TRAPPC9: variants seen among roughly 807,000 people sequenced by gnomAD.
The protein encoded by TRAPPC9 is trafficking protein particle complex subunit 9.
A neutral mutation model predicts 124.0 loss-of-function variants in TRAPPC9; 83 were observed. The observed-to-expected ratio is 0.67, with a 90% confidence interval of 0.56 to 0.80. The LOEUF (loss-of-function observed/expected upper bound fraction) is 0.80. Among genes scored for constraint, TRAPPC9 ranks in the 30% least tolerant of loss-of-function variants. The pLI, the probability that TRAPPC9 is intolerant of heterozygous loss-of-function variation, is 0.00. For synonymous variants in TRAPPC9, 638 were observed against 617.5 expected, an observed-to-expected ratio of 1.03 and a Z score of -0.49; for missense variants, 1,302 against 1,508.3, an observed-to-expected ratio of 0.86 and a Z score of 2.27.
At chr8:139,909,409 T>C (rs1451993890) in intron 20 of TRAPPC9, among the ~76,000 whole-genome samples, 1 of 152,182 alleles carries the variant, frequency 6.6e-6, no homozygotes, top group African/African-American at 2.4e-5. Flanking sequence ...GGCAGGGTGC[T>C]CTGCCTTCGC....
intron 17 of TRAPPC9, among the ~76,000 whole-genome samples, chr8:140,157,795 T>C (rs1266458244): frequency 1.1e-4 from 16 of 152,150 alleles, no homozygotes; most frequent in Admixed American, 9.8e-4. Context: ...TTGCCTATAA[T>C]CCCAAAACAC....
intron 21 of TRAPPC9, among the ~76,000 whole-genome samples, chr8:139,797,154 T>C (rs899958878): frequency 1.3e-5 from 2 of 152,198 alleles, no homozygotes; most frequent in African/African-American, 2.4e-5. Flanking sequence ...ACCAGTCCCT[T>C]ATCAGATATA....
intron 17 of TRAPPC9, among the ~76,000 whole-genome samples, chr8:140,116,446 G>A (rs1371348824): frequency 6.6e-6 from 1 of 152,118 alleles, no homozygotes; most frequent in Non-Finnish European, 1.5e-5. Flanking sequence ...CAGTTAAGCA[G>A]CCAACTAAGC....
intron 9 of TRAPPC9, among the ~76,000 whole-genome samples, chr8:140,359,154 A>G (rs1197166690): frequency 6.6e-6 from 1 of 152,168 alleles, no homozygotes; most frequent in Non-Finnish European, 1.5e-5. Context: ...GCCTGTGTCC[A>G]TATAGCACTG....
chr8:140,221,669 G>A (rs990724763), intron 16 of TRAPPC9, 86 bp from the exon 17 acceptor site: 33 of 1,505,236 alleles, frequency 2.2e-5, no homozygotes, highest in African/African-American at 2.8e-5. Context: ...GACGGGTCTC[G>A]CTCTGTCGCA....
At chr8:140,153,828 G>A (rs1430748031) in intron 17 of TRAPPC9, among the ~76,000 whole-genome samples, 1 of 152,114 alleles carries the variant, frequency 6.6e-6, no homozygotes, top group Non-Finnish European at 1.5e-5. Context: ...GATTCTCCAG[G>A]ATCTGCCCTG....
rs998213359 is a variant in TRAPPC9 at position 139,910,171 on chromosome 8, G to T, written c.2940C>A (p.Ser980Arg). The T allele has an allele frequency of 1.9e-6, 3 of 1,613,806 alleles. No homozygotes were observed. The highest frequency in any genetic ancestry group is 1.7e-5 in the Admixed American group (1 of 59,998). Residue 980 changes from serine (S) to arginine (R), a missense_variant, in exon 20 of 23, where the codon AGC becomes AGA. Transcript: ENST00000438773. ...RREARGLEIH[S>R]KLGICWRIPS... Reference sequence around the variant, plus strand: ...TGATTCTCCAGCAGATGCCCAGCTTGCTGTGGATCTCCAGGCCTCGGGCTT... The same window carrying T: ...TGATTCTCCAGCAGATGCCCAGCTTTCTGTGGATCTCCAGGCCTCGGGCTT...
intron 21 of TRAPPC9, among the ~76,000 whole-genome samples, chr8:139,741,145 C>T (rs1291285525): frequency 1.3e-5 from 2 of 152,166 alleles, no homozygotes; most frequent in African/African-American, 4.8e-5. Flanking sequence ...TTGGGCGTGA[C>T]ACTCCCCATT....
intron 5 of TRAPPC9, among the ~76,000 whole-genome samples, chr8:140,411,075 T>C (rs1480952455): frequency 6.6e-6 from 1 of 152,144 alleles, no homozygotes; most frequent in African/African-American, 2.4e-5. Context: ...CTTGGTATCA[T>C]GACCAAGGAT....
At chr8:139,947,915 G>A (rs1238385641) in intron 19 of TRAPPC9, among the ~76,000 whole-genome samples, 2 of 48,388 alleles carry the variant, frequency 4.1e-5, no homozygotes, top group Non-Finnish European at 9.6e-5. Context: ...TATAGAGAGA[G>A]AGAGAGAGCG....
intron 20 of TRAPPC9, among the ~76,000 whole-genome samples, chr8:139,894,564 G>A (rs188704196): frequency 6.6e-6 from 1 of 152,138 alleles, no homozygotes; most frequent in Non-Finnish European, 1.5e-5. Flanking sequence ...CGGAGGGAGG[G>A]GGGGGCTGCT....
intron 19 of TRAPPC9, among the ~76,000 whole-genome samples, chr8:139,934,564 C>T (rs1329020236): frequency 6.6e-6 from 1 of 152,106 alleles, no homozygotes; most frequent in East Asian, 1.9e-4. Context: ...TAATGATCAG[C>T]CCCTGTCTGA....
intron 17 of TRAPPC9, among the ~76,000 whole-genome samples, chr8:140,114,970 G>A (rs1159932563): frequency 6.6e-6 from 1 of 152,208 alleles, no homozygotes; most frequent in Non-Finnish European, 1.5e-5. Flanking sequence ...ACCATGGAAG[G>A]AGAGAGAAGA....
Position 140,311,160 on chromosome 8 carries a change from C to T in TRAPPC9, c.1622+88G>A, listed in dbSNP as rs1362862096. The T allele has an allele frequency of 4.6e-6, 7 of 1,531,082 alleles. No homozygotes were observed. In the Admixed American group the frequency reaches 5.1e-5, roughly 11 times the overall value. 94.8% of individuals were successfully genotyped at this position (1,531,082 alleles called of 1,614,324 possible). Reference sequence around the variant, plus strand: ...GATACACAGCCAACAAAAATGGGAACTCTTCTAAAGATCTCTATTCACAAT... The same window carrying T: ...GATACACAGCCAACAAAAATGGGAATTCTTCTAAAGATCTCTATTCACAAT... On this transcript the variant is annotated intron_variant, in intron 10 of 22. Coordinates refer to ENST00000438773, the MANE Select transcript of TRAPPC9 (RefSeq NM_001160372.4).
intron 14 of TRAPPC9, 46 bp downstream of exon 14, chr8:140,283,843 A>G: frequency 6.2e-7 from 1 of 1,612,326 alleles, no homozygotes; most frequent in Non-Finnish European, 8.5e-7. Context: ...AGGACCAAAA[A>G]TGATGCCTCA....
intron 9 of TRAPPC9, among the ~76,000 whole-genome samples, chr8:140,323,815 C>T (rs529496849): frequency 1.2e-4 from 18 of 152,250 alleles, no homozygotes; most frequent in Non-Finnish European, 2.2e-4. Flanking sequence ...TTGAACCCAT[C>T]CACACAAAAC....
At chr8:140,211,012 GT>G (rs74275889) in intron 17 of TRAPPC9, among the ~76,000 whole-genome samples, 79 of 145,612 alleles carry the variant, frequency 5.4e-4, no homozygotes, top group East Asian at 2.8e-3. Flanking sequence ...ATATCCTAGG[GT>G]TTTTTTTTTT....
chr8:140,313,770 C>A (rs370966384), intron 9 of TRAPPC9, among the ~76,000 whole-genome samples: 11 of 152,206 alleles, frequency 7.2e-5, no homozygotes, highest in African/African-American at 2.6e-4. Flanking sequence ...AAGCGATCTG[C>A]GGATATGTAA....
chr8:140,389,590 T>G (rs923357654), intron 7 of TRAPPC9, among the ~76,000 whole-genome samples: 1 of 152,110 alleles, frequency 6.6e-6, no homozygotes, highest in African/African-American at 2.4e-5. Flanking sequence ...CTTAGCACAG[T>G]GGCTAAAAAA....
Sources: gnomAD v4.1 joint callset for allele counts (sites outside exome capture counted in the v4.1 genomes callset) on GRCh38, gnomAD v4.1.1 for gene constraint, MANE v1.5 for transcripts, NCBI Gene and HGNC (gene_info 2026-07-23, HGNC 2026-07-21) for gene names.